Variants in PLOD2 observed in about 807,000 individuals in gnomAD.
The protein encoded by PLOD2 is procollagen-lysine,2-oxoglutarate 5-dioxygenase 2.
In PLOD2, 65 loss-of-function variants were observed where a neutral mutation model predicts 101.0. The ratio of observed to expected loss-of-function variants is 0.64; its 90% CI spans 0.53 to 0.79. PLOD2 has a LOEUF of 0.79. Among genes scored for constraint, PLOD2 ranks in the 30% least tolerant of loss-of-function variants. The pLI is 0.00. For synonymous variants in PLOD2, 314 were observed against 302.9 expected (o/e 1.04, Z -0.38); for missense variants, 909 against 914.6 (o/e 0.99, Z 0.08).
chr3:146,086,782 C>G lies in PLOD2; in HGVS notation c.1127+5G>C. ...TTAATTTAATTTTAATTTATTAAAA[C>G]ATACATTCCCATGTTTCTGGCTTCC... On this transcript the variant is annotated splice_donor_5th_base_variant and intron_variant, in intron 10 of 19. Coordinates refer to ENST00000282903, the MANE Select transcript of PLOD2 (RefSeq NM_182943.3). 1 of 1,433,598 alleles carries G rather than the reference C, an allele frequency of 7.0e-7. No homozygotes were observed. 88.8% of individuals were successfully genotyped at this position (1,433,598 alleles called of 1,614,324 possible).
chr3:146,144,063 C>T (rs1347113324), intron 1 of PLOD2, among the ~76,000 whole-genome samples: 1 of 152,116 alleles, frequency 6.6e-6, no homozygotes, highest in African/African-American at 2.4e-5. Flanking sequence ...AGCCTCCACC[C>T]TTCTATGCTC....
chr3:146,088,152 T>C (rs993562282), intron 9 of PLOD2, among the ~76,000 whole-genome samples: 1 of 151,714 alleles, frequency 6.6e-6, no homozygotes. Context: ...GGGAATGGCA[T>C]GCCCTTGTGT....
intron 1 of PLOD2, among the ~76,000 whole-genome samples, chr3:146,132,560 T>TA (rs2030980154): frequency 6.6e-6 from 1 of 152,100 alleles, no homozygotes; most frequent in African/African-American, 2.4e-5. Context: ...TCTTTTCAAA[T>TA]AAAAATTTTA....
rs1936088702 is a variant in PLOD2 at position 146,070,564 on chromosome 3, T to G, written c.*153A>C. The G allele has an allele frequency of 1.8e-6, 1 of 558,700 alleles. No homozygotes were observed. The highest frequency in any genetic ancestry group is 2.9e-5 in the East Asian group (1 of 34,460). The allele number at this position is 558,700 out of a possible 1,614,324, so 34.6% of individuals were successfully genotyped here. On this transcript the variant is annotated 3_prime_UTR_variant, in exon 20 of 20. Coordinates refer to ENST00000282903, the MANE Select transcript of PLOD2 (RefSeq NM_182943.3). The stretch of plus-strand genomic sequence containing the variant: ...CATTAAGAAATATCAAACAATTTTT[T>G]ATAAAAAGTTTTTCAAATGTTTGGC...
chr3:146,159,335 G>A (rs565586663), intron 1 of PLOD2, among the ~76,000 whole-genome samples: 151 of 152,290 alleles, frequency 9.9e-4, no homozygotes, highest in Non-Finnish European at 1.7e-3. Flanking sequence ...TTAAAATCCA[G>A]AGTGAGAAGG....
chr3:146,156,314 A>C (rs1350649794), intron 1 of PLOD2, among the ~76,000 whole-genome samples: 7 of 152,236 alleles, frequency 4.6e-5, no homozygotes, highest in African/African-American at 1.7e-4. Flanking sequence ...AAGGTTCGGC[A>C]AAGTTTTTCT....
chr3:146,161,146 C>G lies in PLOD2; in HGVS notation c.-157G>C. 4.7e-6 allele frequency: 2 copies of G among 426,608 alleles called. No homozygotes were observed. Among genetic ancestry groups the G allele is most frequent in the South Asian group, 1.2e-4 (2 of 16,798 alleles). 26.4% of individuals were successfully genotyped at this position (426,608 alleles called of 1,614,324 possible). On this transcript the variant is annotated 5_prime_UTR_variant, in exon 1 of 20. Transcript: ENST00000282903. ...GGCCGGCAGCCGGAGCGGCGCGTAA[C>G]GCAGCTGAGTGAGGTCGTCGGTGGA... is the stretch of plus-strand genomic sequence containing the variant.
At chr3:146,095,559 G>C (rs1261411409) in intron 7 of PLOD2, among the ~76,000 whole-genome samples, 1 of 152,168 alleles carries the variant, frequency 6.6e-6, no homozygotes, top group Middle Eastern at 3.4e-3. Flanking sequence ...TGGAAATAAC[G>C]GATGCTGGTG....
At chr3:146,121,935 G>A (rs565067701) in intron 2 of PLOD2, among the ~76,000 whole-genome samples, 67 of 152,264 alleles carry the variant, frequency 4.4e-4, no homozygotes, top group Non-Finnish European at 8.1e-4. Flanking sequence ...GGAACAGAAA[G>A]TGCAATACAC....
At chr3:146,134,915 AAATTAAAGCAATGAAAAT>A (rs1361352510) in intron 1 of PLOD2, among the ~76,000 whole-genome samples, 8 of 152,236 alleles carry the variant, frequency 5.3e-5, no homozygotes, top group African/African-American at 1.9e-4. Flanking sequence ...AAGTCTGCCG[AAATTAAAGCAATGAAAAT>A]AAATGGATGA....
intron 1 of PLOD2, among the ~76,000 whole-genome samples, chr3:146,142,900 C>T (rs576964441): frequency 3.3e-5 from 5 of 152,136 alleles, no homozygotes; most frequent in Non-Finnish European, 7.4e-5. Flanking sequence ...TGCAGCAGCA[C>T]TGATCTTACA....
At chr3:146,121,010 C>A in intron 3 of PLOD2, 102 bp downstream of exon 3, 1 of 953,876 alleles carries the variant, frequency 1.0e-6, no homozygotes, top group East Asian at 2.6e-5. Context: ...CGTGAGCCAC[C>A]GTGCCCAACC....
intron 1 of PLOD2, among the ~76,000 whole-genome samples, chr3:146,128,755 C>T (rs1044592350): frequency 1.8e-4 from 27 of 151,120 alleles, no homozygotes; most frequent in Admixed American, 1.6e-3. Flanking sequence ...ACACAATTTA[C>T]CAATATTCAG....
In PLOD2 at chr3:146,106,575, T is replaced by C; in HGVS notation, c.572A>G (p.Asp191Gly). 1.9e-6 allele frequency: 3 copies of C among 1,594,550 alleles called. No individual in the cohort carries two copies. The highest frequency in any genetic ancestry group is 2.6e-6 in the Non-Finnish European group (3 of 1,162,264). ...QQWNLQDNDD[D>G]QLFYTKVYID... Reference sequence around the variant, plus strand: ...GTAAACTTTAGTGTAAAAGAGCTGATCATCATCATTATCCTGGAGATTCCA... The same window carrying C: ...GTAAACTTTAGTGTAAAAGAGCTGACCATCATCATTATCCTGGAGATTCCA... The change falls in exon 5 of 20, where the codon GAT becomes GGT. Residue 191 changes from aspartate to glycine, a missense_variant. Coordinates refer to ENST00000282903, the MANE Select transcript of PLOD2 (RefSeq NM_182943.3).
chr3:146,137,041 T>C (rs1376045458), intron 1 of PLOD2, among the ~76,000 whole-genome samples: 1 of 152,204 alleles, frequency 6.6e-6, no homozygotes, highest in African/African-American at 2.4e-5. Flanking sequence ...TTTGGTTCCA[T>C]TCTGAATTAC....
At chr3:146,128,550 A>G (rs1205221283) in intron 1 of PLOD2, among the ~76,000 whole-genome samples, 1 of 152,156 alleles carries the variant, frequency 6.6e-6, no homozygotes, top group African/African-American at 2.4e-5. Context: ...CTACAGTAAG[A>G]TTTAATAAAT....
chr3:146,130,409 A>T (rs1319210961), intron 1 of PLOD2, among the ~76,000 whole-genome samples: 1 of 152,196 alleles, frequency 6.6e-6, no homozygotes, highest in Admixed American at 6.5e-5. Context: ...ATTATGAATA[A>T]TCTCAAATTA....
At chr3:146,072,944 A>G (rs937689894) in intron 16 of PLOD2, among the ~76,000 whole-genome samples, 1 of 151,512 alleles carries the variant, frequency 6.6e-6, no homozygotes, top group Admixed American at 6.6e-5. Context: ...CTGAGAAAAG[A>G]CTCTTCCAGA....
chr3:146,088,312 T>C (rs773725425), intron 9 of PLOD2, among the ~76,000 whole-genome samples: 2 of 151,696 alleles, frequency 1.3e-5, no homozygotes, highest in Non-Finnish European at 3.0e-5. Flanking sequence ...TTGAATCTCC[T>C]TGATTATATA....
Sources: allele counts gnomAD v4.1 joint callset (sites outside exome capture counted in the v4.1 genomes callset), GRCh38; gene constraint gnomAD v4.1.1; transcripts MANE v1.5; gene names NCBI Gene and HGNC (gene_info 2026-07-23, HGNC 2026-07-21).